The following ZNF407 variants were observed in gnomAD, a reference collection of about 807,000 sequenced individuals.
ZNF407 encodes the protein zinc finger protein 407.
A neutral mutation model predicts 131.2 loss-of-function variants in ZNF407; 17 were observed. That is an observed-to-expected ratio of 0.13 (90% confidence interval 0.09 to 0.19). ZNF407 has a LOEUF of 0.19. Ranked by LOEUF, ZNF407 falls within the 10% of genes least tolerant of loss-of-function variation. The pLI, the probability that ZNF407 is intolerant of heterozygous loss-of-function variation, is 1.00. For missense variants in ZNF407, 2,681 were observed against 2,830.6 expected (o/e 0.95, Z 1.20); for synonymous variants, 1,156 against 1,062.0 (o/e 1.09, Z -1.72).
intron 4 of ZNF407, among the ~76,000 whole-genome samples, chr18:74,855,678 G>A (rs561165435): frequency 1.3e-4 from 20 of 152,096 alleles, no homozygotes; most frequent in Non-Finnish European, 2.6e-4. Flanking sequence ...CTCAAAAGTT[G>A]CAATGGGTTT....
chr18:74,891,026 G>A (rs1971377460), intron 7 of ZNF407, among the ~76,000 whole-genome samples: 1 of 152,214 alleles, frequency 6.6e-6, no homozygotes, highest in Non-Finnish European at 1.5e-5. Flanking sequence ...AGTGGCGGCA[G>A]CGAAGCCTTC....
At chr18:74,830,711 G>A (rs1368713044) in intron 4 of ZNF407, among the ~76,000 whole-genome samples, 1 of 152,218 alleles carries the variant, frequency 6.6e-6, no homozygotes, top group Non-Finnish European at 1.5e-5. Flanking sequence ...ATGGTGATCA[G>A]ATCAGTGTAA....
intron 4 of ZNF407, chr18:74,804,220 G>T: frequency 1.6e-6 from 2 of 1,274,018 alleles, no homozygotes; most frequent in South Asian, 3.1e-5. Flanking sequence ...ACAAATGTAG[G>T]CTAGTCTAGT....
At chr18:74,789,558 C>G (rs554761910) in intron 4 of ZNF407, among the ~76,000 whole-genome samples, 1 of 152,126 alleles carries the variant, frequency 6.6e-6, no homozygotes, top group Non-Finnish European at 1.5e-5. Flanking sequence ...TGCCAGTCGT[C>G]TTTTCCTCTG....
chr18:74,674,368 C>T (rs141672516), intron 3 of ZNF407, among the ~76,000 whole-genome samples: 8 of 152,312 alleles, frequency 5.3e-5, no homozygotes, highest in Non-Finnish European at 4.4e-5. Flanking sequence ...AGGTCCCTAC[C>T]TCTGTCATCC....
chr18:74,754,397 A>C (rs1360582498), intron 3 of ZNF407, among the ~76,000 whole-genome samples: 1 of 152,034 alleles, frequency 6.6e-6, no homozygotes, highest in Admixed American at 6.6e-5. Flanking sequence ...CTAGCTTTTA[A>C]ATGTGTTTGC....
intron 1 of ZNF407, among the ~76,000 whole-genome samples, chr18:74,623,833 G>A (rs1046235485): frequency 6.6e-6 from 1 of 152,068 alleles, no homozygotes; most frequent in African/African-American, 2.4e-5. Flanking sequence ...GCTACATGGA[G>A]CTTATGTTGA....
chr18:74,685,616 G>A (rs1465554124), intron 3 of ZNF407, among the ~76,000 whole-genome samples: 8 of 152,122 alleles, frequency 5.3e-5, no homozygotes, highest in African/African-American at 1.7e-4. Flanking sequence ...GTTCTCCCGG[G>A]ACACCCCACC....
At chr18:74,807,655 T>C (rs1245845442) in intron 4 of ZNF407, among the ~76,000 whole-genome samples, 6 of 152,210 alleles carry the variant, frequency 3.9e-5, no homozygotes, top group African/African-American at 9.6e-5. Context: ...TCCAATAGAA[T>C]GTTAACACCA....
At chr18:74,851,341 C>T (rs149641996) in intron 4 of ZNF407, among the ~76,000 whole-genome samples, 46 of 152,222 alleles carry the variant, frequency 3.0e-4, no homozygotes, top group African/African-American at 1.1e-3. Context: ...TTTTAACAAG[C>T]AGAGAACATG....
intron 8 of ZNF407, among the ~76,000 whole-genome samples, chr18:75,050,325 TAAG>T (rs1453087361): frequency 3.3e-5 from 5 of 152,194 alleles, no homozygotes; most frequent in Non-Finnish European, 5.9e-5. Flanking sequence ...TTTTATTGAT[TAAG>T]AAAACAAGAT....
intron 8 of ZNF407, among the ~76,000 whole-genome samples, chr18:74,991,735 C>A (rs1054531403): frequency 6.6e-6 from 1 of 152,102 alleles, no homozygotes; most frequent in East Asian, 1.9e-4. Context: ...TCACTTGTGG[C>A]CATCACTACA....
chr18:74,974,968 A>G (rs1271761780), intron 8 of ZNF407, among the ~76,000 whole-genome samples: 1 of 152,212 alleles, frequency 6.6e-6, no homozygotes, highest in Non-Finnish European at 1.5e-5. Context: ...CGATCTACTG[A>G]TTTTTATGTA....
chr18:74,770,356 C>G (rs1253200373), intron 3 of ZNF407, among the ~76,000 whole-genome samples: 1 of 152,026 alleles, frequency 6.6e-6, no homozygotes, highest in African/African-American at 2.4e-5. Flanking sequence ...CATGATTGTG[C>G]CACTGTAGTC....
intron 4 of ZNF407, among the ~76,000 whole-genome samples, chr18:74,876,875 C>G (rs1971164296): frequency 6.6e-6 from 1 of 152,232 alleles, no homozygotes; most frequent in South Asian, 2.1e-4. Context: ...AGCCTTTGCT[C>G]TGACAGCCCA....
intron 3 of ZNF407, among the ~76,000 whole-genome samples, chr18:74,671,798 G>A (rs1986150868): frequency 6.6e-6 from 1 of 152,166 alleles, no homozygotes; most frequent in Non-Finnish European, 1.5e-5. Flanking sequence ...GGACACCTTT[G>A]GGGGTTCATT....
chr18:74,738,239 G>T (rs1481435076), intron 3 of ZNF407, among the ~76,000 whole-genome samples: 1 of 151,658 alleles, frequency 6.6e-6, no homozygotes, highest in African/African-American at 2.4e-5. Flanking sequence ...GGCCAACATG[G>T]TGAAACCCTG....
rs1973456801 is a variant in ZNF407, at chr18:75,048,099, GAGGAAAATGA to G, written c.5429-15050_5429-15041del. ...CATAACTCGTTAACCACGTGCTCAA[GAGGAAAATGA>G]CCAGAATCATAGACTCAGATCCTAA... On this transcript the variant is annotated intron_variant, in intron 8 of 8. Coordinates refer to ENST00000299687, the MANE Select transcript of ZNF407 (RefSeq NM_017757.3). This position sits in a 1 kb window ranked among gnomAD's most constrained non-coding sequence, Gnocchi z 4.1. 6.6e-6 allele frequency among the ~76,000 whole-genome samples: 1 copy of G among 152,162 alleles called. No individual in the cohort carries two copies. Among genetic ancestry groups the G allele is most frequent in the Non-Finnish European group, 1.5e-5 (1 of 68,010 alleles).
chr18:74,822,534 T>C (rs1970355004), intron 4 of ZNF407, among the ~76,000 whole-genome samples: 1 of 152,204 alleles, frequency 6.6e-6, no homozygotes, highest in Non-Finnish European at 1.5e-5. Flanking sequence ...CTTTTCCCCA[T>C]TGCTTGTTTT....
Sources: allele counts gnomAD v4.1 joint callset (sites outside exome capture counted in the v4.1 genomes callset), GRCh38; gene constraint gnomAD v4.1.1; non-coding constraint Gnocchi (gnomAD v3.1); transcripts MANE v1.5; gene names NCBI Gene and HGNC (gene_info 2026-07-23, HGNC 2026-07-21).